Variants in PLCD4 observed in about 807,000 individuals in gnomAD.
The protein encoded by PLCD4 is 1-phosphatidylinositol 4,5-bisphosphate phosphodiesterase delta-4.
Under a neutral mutation model 90.2 loss-of-function variants are expected in PLCD4, and 63 were observed. The observed-to-expected ratio is 0.70, with a 90% CI of 0.57 to 0.86. The LOEUF (loss-of-function observed/expected upper bound fraction) is 0.86. Ranked by LOEUF, PLCD4 falls within the 40% of genes least tolerant of loss-of-function variation. The probability of loss-of-function intolerance (pLI) is 0.00; values close to 1 mark genes in which losing one functional copy is unlikely to be tolerated. For synonymous variants in PLCD4, 294 were observed against 356.5 expected (o/e 0.82, Z 1.97); for missense variants, 830 against 956.3 (o/e 0.87, Z 1.74).
At chr2:218,628,620 T>G (rs73992536) in intron 7 of PLCD4, 9,912 of 182,186 alleles carry the variant, frequency 0.054, 381 homozygotes, top group East Asian at 0.12. Flanking sequence ...AGTATTTAAC[T>G]TCTATACCTC....
Position 218,621,616 on chromosome 2 carries a change from G to A in PLCD4, c.540+17G>A. The A allele has an allele frequency of 6.2e-7, 1 of 1,613,252 alleles. No homozygotes were observed. The highest frequency in any genetic ancestry group is 8.5e-7 in the Non-Finnish European group (1 of 1,179,446). On this transcript the variant is annotated intron_variant, in intron 5 of 15. Coordinates refer to ENST00000450993, the MANE Select transcript of PLCD4 (RefSeq NM_032726.4). Reference sequence around the variant, plus strand: ...CTTTTTCAGGTGAGTCTGTGGGGAAGGATTTCCAGCGGCCAACCAGGCCAC... The same window carrying A: ...CTTTTTCAGGTGAGTCTGTGGGGAAAGATTTCCAGCGGCCAACCAGGCCAC...
In PLCD4 at chr2:218,636,355, T is replaced by G; in HGVS notation, c.2145T>G (p.Ile715Met). The G allele has an allele frequency of 6.2e-7, 1 of 1,614,006 alleles. No homozygotes were observed. The highest frequency in any genetic ancestry group is 1.7e-5 in the Admixed American group (1 of 60,014). The change falls in exon 15 of 16, where the codon ATT (isoleucine) becomes ATG (methionine). Residue 715 changes from isoleucine (I) to methionine (M), a missense_variant. By Grantham distance (10) the Ile-to-Met change is conservative. Coordinates refer to ENST00000450993, the MANE Select transcript of PLCD4 (RefSeq NM_032726.4). ...DYDWKSRNDF[I>M]GQYTLPWTCM... ...ACTGGAAATCCCGAAATGACTTTAT[T>G]GGTCAGTACACCCTGCCTTGGACCT...
In PLCD4 at chr2:218,622,889, T is replaced by C. The variant is rs74809044; in HGVS notation, c.772+11T>C. The stretch of plus-strand genomic sequence containing the variant: ...AACCTTCAGACAGTGGTAAGAGAAA[T>C]CAGGTGGAGAGGCACCAGACATAGG... On this transcript the variant is annotated intron_variant, in intron 6 of 15. Transcript: ENST00000450993. 1,008 of 1,609,490 alleles carry C rather than the reference T, an allele frequency of 6.3e-4. 1 individual carries two copies. Among genetic ancestry groups the C allele is most frequent in the Middle Eastern group, 1.8e-3 (11 of 6,048 alleles).
intron 13 of PLCD4, 25 bp from the exon 14 acceptor site, chr2:218,635,771 T>A: frequency 6.2e-7 from 1 of 1,606,098 alleles, no homozygotes; most frequent in South Asian, 1.1e-5. Flanking sequence ...CAGGAACTTG[T>A]GAGATTCCAG....
Position 218,622,897 on chromosome 2 carries a change from A to G in PLCD4, c.772+19A>G. 6.3e-7 allele frequency: 1 copy of G among 1,598,286 alleles called. No homozygotes were observed. Among genetic ancestry groups the G allele is most frequent in the Non-Finnish European group, 8.6e-7 (1 of 1,168,024 alleles). On this transcript the variant is annotated intron_variant, in intron 6 of 15. Coordinates refer to ENST00000450993, the MANE Select transcript of PLCD4 (RefSeq NM_032726.4). ...GACAGTGGTAAGAGAAATCAGGTGG[A>G]GAGGCACCAGACATAGGGGTTGGAG...
intron 3 of PLCD4, among the ~76,000 whole-genome samples, chr2:218,616,915 TATATATATATATAGAGAGAG>T (rs1695614470): frequency 4.3e-5 from 1 of 23,358 alleles, no homozygotes; most frequent in Non-Finnish European, 8.6e-5. Flanking sequence ...TATATATATA[TATATATATATATAGAGAGAG>T]AGAGAGAGAG....
chr2:218,615,463 G>T (rs2106122306), intron 1 of PLCD4, among the ~76,000 whole-genome samples: 1 of 152,242 alleles, frequency 6.6e-6, no homozygotes, highest in Non-Finnish European at 1.5e-5. Flanking sequence ...TGGGTTATTG[G>T]GTAGGAAGGG....
intron 9 of PLCD4, among the ~76,000 whole-genome samples, 196 bp from the exon 10 acceptor site, chr2:218,631,940 T>C (rs1255805067): frequency 6.6e-6 from 1 of 152,216 alleles, no homozygotes; most frequent in African/African-American, 2.4e-5. Context: ...TTATTTTCCA[T>C]ATGGATAGAG....
chr2:218,628,213 C>T lies in PLCD4; in HGVS notation c.957C>T (p.Ser319=), dbSNP rs745877317. 1.4e-5 allele frequency: 22 copies of T among 1,613,804 alleles called. No homozygotes were observed. The highest frequency in any genetic ancestry group is 3.3e-5 in the Admixed American group (2 of 60,002). ...GGGACCAGCTTTGTGGCCAGAGCAG[C>T]GTCGAGGGATATATACGGTGCAGTG... is the stretch of plus-strand genomic sequence containing the variant. ...LVGDQLCGQS[S]VEGYIRALKR... is the part of the protein sequence containing the mutation. The change falls in exon 7 of 16, where the codon AGC becomes AGT. Residue 319 remains serine (S), a synonymous_variant. Coordinates refer to ENST00000450993, the MANE Select transcript of PLCD4 (RefSeq NM_032726.4).
Position 218,634,450 on chromosome 2 carries a change from G to A in PLCD4, c.1724-8G>A, listed in dbSNP as rs201202001. On this transcript the variant is annotated splice_region_variant and splice_polypyrimidine_tract_variant and intron_variant, in intron 12 of 15. Coordinates refer to ENST00000450993, the MANE Select transcript of PLCD4 (RefSeq NM_032726.4). This position sits in a 1 kb window ranked among gnomAD's most constrained non-coding sequence, Gnocchi z 4.0. Reference sequence around the variant, plus strand: ...AATCTTGCTCTTCTTTTCTCCTGGGGCCCTCAGTGGCCATGAATATGCAGA... The same window carrying A: ...AATCTTGCTCTTCTTTTCTCCTGGGACCCTCAGTGGCCATGAATATGCAGA... 3.1e-6 allele frequency: 5 copies of A among 1,608,522 alleles called. No homozygotes were observed. In the South Asian group the frequency reaches 4.4e-5, roughly 14 times the overall value.
intron 1 of PLCD4, chr2:218,609,251 G>A (rs1007175476): frequency 2.0e-5 from 3 of 152,034 alleles, no homozygotes; most frequent in Non-Finnish European, 2.9e-5. Context: ...CAGAAGCAAG[G>A]GAGTAGACAA....
In PLCD4 at chr2:218,611,723, C is replaced by T. The variant is rs551632190; in HGVS notation, c.-34+3653C>T. The stretch of plus-strand genomic sequence containing the variant: ...AAGTGATTCTCCTGCCTCAGCCTCA[C>T]GAGTAGCTGGGATTACAGGTGTGCA... On this transcript the variant is annotated intron_variant, in intron 1 of 15. Transcript: ENST00000450993. Among the ~76,000 whole-genome samples the T allele has an allele frequency of 1.1e-3, 173 of 152,128 alleles. 2 individuals are homozygous for T. The highest frequency in any genetic ancestry group is 4.0e-3 in the African/African-American group (164 of 41,500).
chr2:218,613,808 C>T (rs1695455373), intron 1 of PLCD4, among the ~76,000 whole-genome samples: 1 of 152,124 alleles, frequency 6.6e-6, no homozygotes, highest in Admixed American at 6.6e-5. Flanking sequence ...CCCAAGCAAT[C>T]CTCCCTCTTC....
intron 6 of PLCD4, 146 bp downstream of exon 6, chr2:218,623,024 A>G: frequency 1.4e-6 from 1 of 701,230 alleles, no homozygotes; most frequent in Non-Finnish European, 2.3e-6. Context: ...TCATTTAACC[A>G]CTCCTCCCAA....
chr2:218,612,146 G>T (rs929275181), intron 1 of PLCD4, among the ~76,000 whole-genome samples: 1 of 151,928 alleles, frequency 6.6e-6, no homozygotes, highest in African/African-American at 2.4e-5. Flanking sequence ...TTGACTTTGT[G>T]ATCCACCCGC....
chr2:218,610,350 T>TA (rs1251148026), intron 1 of PLCD4, among the ~76,000 whole-genome samples: 3 of 150,220 alleles, frequency 2.0e-5, no homozygotes, highest in South Asian at 2.1e-4. Context: ...CTACTAAAAA[T>TA]AAAAAAAATT....
Position 218,634,321 on chromosome 2 carries a change from G to GCATTTT in PLCD4, c.1723+101_1723+102insATTTTC. On this transcript the variant is annotated intron_variant, in intron 12 of 15. Transcript: ENST00000450993. The surrounding 1 kb of genome is among the most constrained non-coding windows in gnomAD (Gnocchi z 4.0). ...GGGTTGGGGAATGCTCAAGAAAATT[G>GCATTTT]CTAGGCTGAGAAATGCTATCAGTGG... is the stretch of plus-strand genomic sequence containing the variant. 6.4e-7 allele frequency: 1 copy of GCATTTT among 1,572,088 alleles called. No individual in the cohort carries two copies. Among genetic ancestry groups the GCATTTT allele is most frequent in the Non-Finnish European group, 8.6e-7 (1 of 1,158,308 alleles).
intron 4 of PLCD4, among the ~76,000 whole-genome samples, chr2:218,620,002 C>T (rs893921699): frequency 7.2e-5 from 11 of 152,112 alleles, no homozygotes; most frequent in Non-Finnish European, 1.2e-4. Context: ...CTCAGCTTCC[C>T]GAGCAGCTGG....
intron 10 of PLCD4, 43 bp downstream of exon 10, chr2:218,632,355 T>G (rs1197372036): frequency 1.3e-6 from 2 of 1,552,492 alleles, no homozygotes; most frequent in Non-Finnish European, 1.7e-6. Context: ...TTAGTCAACT[T>G]ATGCAAGCTG....
Sources: gnomAD v4.1 joint callset for allele counts (sites outside exome capture counted in the v4.1 genomes callset) on GRCh38, gnomAD v4.1.1 for gene constraint, Gnocchi (gnomAD v3.1) non-coding constraint, MANE v1.5 for transcripts, NCBI Gene and HGNC (gene_info 2026-07-23, HGNC 2026-07-21) for gene names.